Variants in TESK2 observed in about 807,000 individuals in gnomAD.
TESK2 encodes the protein testis associated actin remodelling kinase 2, also known as dual specificity testis-specific protein kinase 2.
TESK2 carries 39 observed loss-of-function variants against 57.1 expected under a neutral mutation model. The observed-to-expected ratio is 0.68, with a 90% CI of 0.53 to 0.89. TESK2 has a LOEUF of 0.89. Among genes scored for constraint, TESK2 ranks in the 40% least tolerant of loss-of-function variants. TESK2 has a pLI of 0.00. For missense variants in TESK2, 646 were observed against 732.1 expected (o/e 0.88, Z 1.36); for synonymous variants, 249 against 267.9 (o/e 0.93, Z 0.69).
intron 3 of TESK2, among the ~76,000 whole-genome samples, chr1:45,416,972 G>C (rs1650269051): frequency 6.6e-6 from 1 of 151,540 alleles, no homozygotes; most frequent in Non-Finnish European, 1.5e-5. Flanking sequence ...ATTTTTAGTA[G>C]AGATGGGGTT....
intron 4 of TESK2, among the ~76,000 whole-genome samples, chr1:45,380,958 C>T (rs2149272982): frequency 6.6e-6 from 1 of 152,330 alleles, no homozygotes; most frequent in East Asian, 1.9e-4. Context: ...CAATTAAGCA[C>T]AGCATGTTGT....
At position 45,384,389 on chromosome 1, in the gene TESK2, G is replaced by GTCTATCTATCTATCTA. The variant is rs71052870; in HGVS notation, c.393+1507_393+1522dup. Among the ~76,000 whole-genome samples, 18 of 144,368 alleles carry GTCTATCTATCTATCTA rather than the reference G, an allele frequency of 1.2e-4. 1 individual carries two copies. The highest frequency in any genetic ancestry group is 6.7e-4 in the South Asian group (3 of 4,460). The allele number at this position is 144,368 out of a possible 152,430, so 94.7% of individuals were successfully genotyped here. ...TATCTATCTATCTATCTATCTATCT[G>GTCTATCTATCTATCTA]TCTATCTATCTATCTATCTATCTAT... On this transcript the variant is annotated intron_variant, in intron 4 of 10. Coordinates refer to ENST00000372086, the MANE Select transcript of TESK2 (RefSeq NM_007170.3).
At chr1:45,450,340 C>T (rs754103723) in intron 2 of TESK2, among the ~76,000 whole-genome samples, 27 of 152,170 alleles carry the variant, frequency 1.8e-4, no homozygotes, top group Admixed American at 4.6e-4. Flanking sequence ...GGTGAAATCC[C>T]GTCTCTACTA....
chr1:45,383,242 C>A (rs887475827), intron 4 of TESK2, among the ~76,000 whole-genome samples: 16 of 152,076 alleles, frequency 1.1e-4, no homozygotes, highest in Admixed American at 1.0e-3. Context: ...TTTTTATTAT[C>A]CTTACCATAT....
intron 2 of TESK2, among the ~76,000 whole-genome samples, chr1:45,448,868 C>T (rs946034459): frequency 1.3e-5 from 2 of 152,236 alleles, no homozygotes; most frequent in South Asian, 4.1e-4. Flanking sequence ...AAATCCAAAA[C>T]ACTGACATCA....
At chr1:45,453,341 C>CAAAAAAAA (rs560016914) in intron 2 of TESK2, among the ~76,000 whole-genome samples, 2 of 53,136 alleles carry the variant, frequency 3.8e-5, no homozygotes, top group Non-Finnish European at 8.5e-5. Context: ...GACCCTGTCT[C>CAAAAAAAA]AAAAAAAAAA....
In TESK2 at chr1:45,346,336, C is replaced by T. The variant is rs79458272; in HGVS notation, c.880-342G>A. Among the ~76,000 whole-genome samples, 456 of 152,302 alleles carry T rather than the reference C, an allele frequency of 3.0e-3. 4 individuals are homozygous for T. Among genetic ancestry groups the T allele is most frequent in the African/African-American group, 0.01 (432 of 41,556 alleles). On this transcript the variant is annotated intron_variant, in intron 9 of 10. Transcript: ENST00000372086. ...CTTGATCCTAACAGGTAAGGTCCAG[C>T]CCCAGAGCTACATACATGAAGGCCA...
chr1:45,440,918 C>A (rs942892051), intron 2 of TESK2, among the ~76,000 whole-genome samples: 1 of 152,016 alleles, frequency 6.6e-6, no homozygotes, highest in Non-Finnish European at 1.5e-5. Context: ...AGTTCAGTGA[C>A]CTGCAAGGAA....
At chr1:45,431,185 G>A (rs757829205) in intron 2 of TESK2, among the ~76,000 whole-genome samples, 11 of 152,158 alleles carry the variant, frequency 7.2e-5, no homozygotes, top group South Asian at 6.2e-4. Context: ...TTGGGAGGCC[G>A]AGGTCGGCGG....
rs114237337 is a variant in TESK2 at position 45,350,965 on chromosome 1, C to T, written c.541-2965G>A. Among the ~76,000 whole-genome samples the T allele has an allele frequency of 2.2e-3, 331 of 152,310 alleles. 5 individuals are homozygous for T. The highest frequency in any genetic ancestry group is 7.6e-3 in the African/African-American group (317 of 41,566). The stretch of plus-strand genomic sequence containing the variant: ...CTCTGAAAATTGGCATTTTCTATTC[C>T]TCATTGTGTGGCATAGCCTAAGACC... On this transcript the variant is annotated intron_variant, in intron 5 of 10. Transcript: ENST00000372086.
At chr1:45,452,069 T>C (rs915795431) in intron 2 of TESK2, among the ~76,000 whole-genome samples, 3 of 141,788 alleles carry the variant, frequency 2.1e-5, no homozygotes, top group East Asian at 1.9e-4. Context: ...TAATTTAATA[T>C]AGTTTAGAAG....
At chr1:45,436,613 C>T (rs1369289797) in intron 2 of TESK2, among the ~76,000 whole-genome samples, 2 of 149,608 alleles carry the variant, frequency 1.3e-5, no homozygotes, top group South Asian at 2.1e-4. Context: ...CCTCCCCTCC[C>T]GAGTAGCTGG....
chr1:45,422,446 G>C (rs1035872183), intron 2 of TESK2, among the ~76,000 whole-genome samples: 1 of 152,136 alleles, frequency 6.6e-6, no homozygotes, highest in Non-Finnish European at 1.5e-5. Context: ...GTTTGTTGCT[G>C]TTGTTGTTTT....
At chr1:45,366,182 G>GT (rs1172116633) in intron 4 of TESK2, among the ~76,000 whole-genome samples, 1 of 151,608 alleles carries the variant, frequency 6.6e-6, no homozygotes, top group African/African-American at 2.4e-5. Context: ...CACCTCCAGG[G>GT]TTTAAGCAAT....
chr1:45,393,571 T>A (rs986663417), intron 3 of TESK2, among the ~76,000 whole-genome samples: 3 of 151,996 alleles, frequency 2.0e-5, no homozygotes, highest in African/African-American at 7.2e-5. Context: ...TGAAACCCCA[T>A]CTCTACTAAA....
At chr1:45,412,125 A>G (rs1484182368) in intron 3 of TESK2, among the ~76,000 whole-genome samples, 4 of 152,250 alleles carry the variant, frequency 2.6e-5, no homozygotes, top group Admixed American at 6.5e-5. Flanking sequence ...ACTGAACCTT[A>G]ACTGTCAGTC....
chr1:45,352,802 T>C lies in TESK2; in HGVS notation c.540+2501A>G, dbSNP rs369625411. On this transcript the variant is annotated intron_variant, in intron 5 of 10. Coordinates refer to ENST00000372086, the MANE Select transcript of TESK2 (RefSeq NM_007170.3). ...ATTTTGTCACAAACTCCTTCTATCT[T>C]AGAAAAAATGGCGCTTTCTGAGTAG... Among the ~76,000 whole-genome samples, 5 of 152,228 alleles carry C rather than the reference T, an allele frequency of 3.3e-5. No individual in the cohort carries two copies. The East Asian group carries it at 5.8e-4, about 18-fold the overall frequency.
chr1:45,454,246 G>T (rs1419503451), intron 2 of TESK2, among the ~76,000 whole-genome samples: 1 of 152,034 alleles, frequency 6.6e-6, no homozygotes, highest in Non-Finnish European at 1.5e-5. Flanking sequence ...TGGTTGCCAG[G>T]GGTTGGGGGG....
chr1:45,448,237 CAAAAA>C (rs762537140), intron 2 of TESK2, among the ~76,000 whole-genome samples: 5 of 84,378 alleles, frequency 5.9e-5, no homozygotes, highest in African/African-American at 2.2e-4. Context: ...GACCCTGTCT[CAAAAA>C]AAAAAAAAAA....
Sources: gnomAD v4.1 joint callset for allele counts (sites outside exome capture counted in the v4.1 genomes callset) on GRCh38, gnomAD v4.1.1 for gene constraint, MANE v1.5 for transcripts, NCBI Gene and HGNC (gene_info 2026-07-23, HGNC 2026-07-21) for gene names.